Variants in ROBO1 observed in about 807,000 individuals in gnomAD.
The protein encoded by ROBO1 is roundabout guidance receptor 1.
In ROBO1, 149 loss-of-function variants were observed where a neutral mutation model predicts 195.9. The observed-to-expected ratio is 0.76, with a 90% CI of 0.67 to 0.87. The LOEUF is 0.87. Among genes scored for constraint, ROBO1 ranks in the 40% least tolerant of loss-of-function variants. The pLI is 0.00. For synonymous variants in ROBO1, 816 were observed against 733.2 expected (o/e 1.11, Z -1.82); for missense variants, 1,933 against 2,068.3 (o/e 0.93, Z 1.27).
intron 4 of ROBO1, among the ~76,000 whole-genome samples, chr3:78,926,992 A>T (rs1410477902): frequency 6.6e-6 from 1 of 152,198 alleles, no homozygotes; most frequent in East Asian, 1.9e-4. Flanking sequence ...TATTTCAAAA[A>T]AAAAAGGTCA....
intron 2 of ROBO1, among the ~76,000 whole-genome samples, chr3:79,442,078 AT>A (rs967627748): frequency 1.3e-5 from 2 of 152,124 alleles, no homozygotes; most frequent in East Asian, 3.9e-4. Flanking sequence ...CTCAATTCTT[AT>A]TTTTTTATTT....
chr3:79,222,630 A>C (rs567702637), intron 2 of ROBO1, among the ~76,000 whole-genome samples: 9 of 152,024 alleles, frequency 5.9e-5, no homozygotes, highest in African/African-American at 1.9e-4. Context: ...TCTTTAAAAA[A>C]AAAAACAGAA....
chr3:79,562,712 A>G (rs1428143149), intron 2 of ROBO1, among the ~76,000 whole-genome samples: 3 of 151,790 alleles, frequency 2.0e-5, no homozygotes, highest in Admixed American at 6.6e-5. Flanking sequence ...TTATCATATT[A>G]TTTTTCGTTA....
intron 1 of ROBO1, among the ~76,000 whole-genome samples, chr3:79,707,603 G>C (rs927446613): frequency 7.2e-5 from 11 of 152,116 alleles, no homozygotes; most frequent in East Asian, 1.9e-4. Context: ...CCACCTCCTG[G>C]GTTCAAGTGA....
At chr3:79,206,238 T>C (rs1387224580) in intron 2 of ROBO1, among the ~76,000 whole-genome samples, 1 of 152,128 alleles carries the variant, frequency 6.6e-6, no homozygotes, top group Non-Finnish European at 1.5e-5. Context: ...TTGACTGTCA[T>C]GGGATTGTAG....
chr3:79,609,875 G>A (rs1474269476), intron 1 of ROBO1, among the ~76,000 whole-genome samples: 1 of 151,874 alleles, frequency 6.6e-6, no homozygotes, highest in African/African-American at 2.4e-5. Flanking sequence ...ATTGTTTAAA[G>A]GGTATATGAT....
At chr3:78,755,501 T>C (rs2082907120) in intron 4 of ROBO1, among the ~76,000 whole-genome samples, 3 of 151,876 alleles carry the variant, frequency 2.0e-5, no homozygotes, top group Admixed American at 1.3e-4. Context: ...AAAAAGGAAG[T>C]ATAGAGACCA....
intron 2 of ROBO1, among the ~76,000 whole-genome samples, chr3:79,230,240 C>CTTTAA (rs1465807416): frequency 2.0e-5 from 3 of 152,148 alleles, no homozygotes; most frequent in African/African-American, 7.2e-5. Flanking sequence ...TAAAGGATTG[C>CTTTAA]AGACTCTCTT....
intron 3 of ROBO1, among the ~76,000 whole-genome samples, chr3:78,992,161 C>A (rs573794157): frequency 6.6e-6 from 1 of 152,106 alleles, no homozygotes; most frequent in Non-Finnish European, 1.5e-5. Context: ...TGACAAAGAA[C>A]GTGGTGCCAT....
At chr3:78,867,419 C>T (rs1265735516) in intron 4 of ROBO1, among the ~76,000 whole-genome samples, 1 of 151,994 alleles carries the variant, frequency 6.6e-6, no homozygotes, top group East Asian at 1.9e-4. Context: ...TTTTTTTTCC[C>T]CTTCTATGTT....
At chr3:78,862,340 C>G (rs540752195) in intron 4 of ROBO1, among the ~76,000 whole-genome samples, 6 of 152,242 alleles carry the variant, frequency 3.9e-5, no homozygotes, top group South Asian at 4.1e-4. Context: ...CTGATAACCA[C>G]TAGGAATTGA....
At chr3:79,020,738 C>G (rs1020841070) in intron 3 of ROBO1, among the ~76,000 whole-genome samples, 1 of 151,908 alleles carries the variant, frequency 6.6e-6, no homozygotes. Flanking sequence ...TGTGAAATAC[C>G]TAACATGCCG....
intron 2 of ROBO1, among the ~76,000 whole-genome samples, chr3:79,169,106 T>TAC (rs970672146): frequency 1.3e-5 from 2 of 152,174 alleles, no homozygotes; most frequent in Admixed American, 1.3e-4. Context: ...CCAGTGTAGC[T>TAC]ACAGCTTAGA....
Position 79,098,644 on chromosome 3 carries a change from T to A in ROBO1, c.172+26812A>T, listed in dbSNP as rs184365867. 1.8e-4 allele frequency among the ~76,000 whole-genome samples: 28 copies of A among 151,994 alleles called. No homozygotes were observed. In the East Asian group the frequency reaches 5.0e-3, roughly 27 times the overall value. Reference sequence around the variant, plus strand: ...TATATATAAGAAACAGATGAAATATTTTATGTAGTCTTAAAAATAGATTAT... The same window carrying A: ...TATATATAAGAAACAGATGAAATATATTATGTAGTCTTAAAAATAGATTAT... On this transcript the variant is annotated intron_variant, in intron 3 of 30. Transcript: ENST00000464233.
chr3:79,060,640 G>A (rs1393218482), intron 3 of ROBO1, among the ~76,000 whole-genome samples: 2 of 152,064 alleles, frequency 1.3e-5, no homozygotes, highest in Non-Finnish European at 2.9e-5. Context: ...ATAAGTAGAA[G>A]CTTATCTACC....
intron 1 of ROBO1, among the ~76,000 whole-genome samples, chr3:79,613,075 T>C (rs1276800385): frequency 6.6e-6 from 1 of 151,994 alleles, no homozygotes; most frequent in East Asian, 1.9e-4. Context: ...AAAAAATGCA[T>C]GTCCTTAGCT....
chr3:78,964,618 G>A (rs541086245), intron 3 of ROBO1, among the ~76,000 whole-genome samples: 1 of 152,204 alleles, frequency 6.6e-6, no homozygotes, highest in South Asian at 2.1e-4. Flanking sequence ...ACAGGGCTAG[G>A]GAGAATGAAG....
chr3:78,835,653 T>A (rs2032646210), intron 4 of ROBO1, among the ~76,000 whole-genome samples: 1 of 152,188 alleles, frequency 6.6e-6, no homozygotes, highest in African/African-American at 2.4e-5. Flanking sequence ...TAAAAAATGA[T>A]CAATCTATGA....
intron 3 of ROBO1, among the ~76,000 whole-genome samples, chr3:78,998,787 TA>T (rs2077427671): frequency 6.6e-6 from 1 of 152,090 alleles, no homozygotes; most frequent in Admixed American, 6.6e-5. Flanking sequence ...TTTAATAGCC[TA>T]ATCCAACTTC....
Sources: allele counts gnomAD v4.1 joint callset (sites outside exome capture counted in the v4.1 genomes callset), GRCh38; gene constraint gnomAD v4.1.1; transcripts MANE v1.5; gene names NCBI Gene and HGNC (gene_info 2026-07-23, HGNC 2026-07-21).